PID1: variants seen among roughly 807,000 people sequenced by gnomAD.
PID1 encodes phosphotyrosine interaction domain containing 1.
A neutral mutation model predicts 19.1 loss-of-function variants in PID1; 10 were observed. That is an observed-to-expected ratio of 0.52 (90% confidence interval 0.32 to 0.89). The LOEUF (loss-of-function observed/expected upper bound fraction) is 0.89. PID1 is among the 40% of genes least tolerant of loss of function. PID1 has a pLI of 0.03. For missense variants in PID1, 248 were observed against 285.3 expected, an observed-to-expected ratio of 0.87 and a Z score of 0.94; for synonymous variants, 130 against 116.0, an observed-to-expected ratio of 1.12 and a Z score of -0.78.
chr2:229,169,675 AT>A (rs1202024185), intron 1 of PID1, among the ~76,000 whole-genome samples: 1 of 152,198 alleles, frequency 6.6e-6, no homozygotes, highest in Non-Finnish European at 1.5e-5. Flanking sequence ...GTTTTCATGA[AT>A]ACTGACTATC....
intron 1 of PID1, among the ~76,000 whole-genome samples, chr2:229,238,734 T>C (rs1373226367): frequency 6.6e-6 from 1 of 152,052 alleles, no homozygotes; most frequent in Non-Finnish European, 1.5e-5. Flanking sequence ...TGGGCAGGGA[T>C]AAGAGGAGAC....
intron 2 of PID1, among the ~76,000 whole-genome samples, chr2:229,057,398 G>C (rs1694125181): frequency 6.6e-6 from 1 of 151,382 alleles, no homozygotes; most frequent in Admixed American, 6.6e-5. Flanking sequence ...GGAGGTTGCA[G>C]TGGGCAGAGA....
rs10701076 is a variant in PID1, at chr2:229,139,057, G to GAGAAAGAAAGAA, written c.177+16749_177+16760dup. 4.1e-3 allele frequency among the ~76,000 whole-genome samples: 188 copies of GAGAAAGAAAGAA among 45,564 alleles called. 1 individual carries two copies. Among genetic ancestry groups the GAGAAAGAAAGAA allele is most frequent in the Middle Eastern group, 0.01 (1 of 98 alleles). 29.9% of individuals were successfully genotyped at this position (45,564 alleles called of 152,430 possible). ...AAAGAAAGAGAAAGAAAGAAAGAAA[G>GAGAAAGAAAGAA]AGAAAGAAAGAAAGAAAGAAAGAAA... On this transcript the variant is annotated intron_variant, in intron 2 of 2. Transcript: ENST00000392055.
At chr2:229,063,326 A>C (rs1469654439) in intron 2 of PID1, among the ~76,000 whole-genome samples, 1 of 151,838 alleles carries the variant, frequency 6.6e-6, no homozygotes, top group Non-Finnish European at 1.5e-5. Flanking sequence ...TGTGCTTCCA[A>C]TTTCATTTGT....
intron 2 of PID1, among the ~76,000 whole-genome samples, chr2:229,066,885 C>T (rs1694337553): frequency 1.3e-5 from 2 of 152,246 alleles, no homozygotes; most frequent in South Asian, 2.1e-4. Context: ...ATCCTCTCTA[C>T]AGGTTTCTTC....
chr2:229,045,807 C>T (rs1693863462), intron 2 of PID1, among the ~76,000 whole-genome samples: 1 of 152,198 alleles, frequency 6.6e-6, no homozygotes, highest in Non-Finnish European at 1.5e-5. Flanking sequence ...GGAGCATGCC[C>T]TTCTGGGCCA....
intron 2 of PID1, among the ~76,000 whole-genome samples, chr2:229,141,816 A>T (rs1042367307): frequency 2.0e-5 from 3 of 152,072 alleles, no homozygotes; most frequent in Non-Finnish European, 4.4e-5. Context: ...CTAATGTCTC[A>T]TTTAGAGCAC....
chr2:229,073,181 A>G (rs1382724015), intron 2 of PID1, among the ~76,000 whole-genome samples: 1 of 152,090 alleles, frequency 6.6e-6, no homozygotes, highest in Non-Finnish European at 1.5e-5. Flanking sequence ...GCCCGCCACC[A>G]CGCCTGGCTA....
intron 1 of PID1, among the ~76,000 whole-genome samples, chr2:229,193,411 C>T (rs1346337674): frequency 6.6e-6 from 1 of 152,182 alleles, no homozygotes; most frequent in Admixed American, 6.5e-5. Flanking sequence ...TCTGAGCTAA[C>T]ATCAGTCTCA....
intron 1 of PID1, among the ~76,000 whole-genome samples, chr2:229,263,986 T>G (rs1325967448): frequency 1.3e-5 from 2 of 152,182 alleles, no homozygotes; most frequent in Admixed American, 6.5e-5. Flanking sequence ...CTTGATTTTC[T>G]CCATACTTGG....
chr2:229,093,001 C>A (rs1694904060), intron 2 of PID1, among the ~76,000 whole-genome samples: 1 of 152,180 alleles, frequency 6.6e-6, no homozygotes, highest in South Asian at 2.1e-4. Context: ...AAGAACAATG[C>A]CCAAGTCAGA....
intron 2 of PID1, among the ~76,000 whole-genome samples, chr2:229,091,455 T>C (rs146859035): frequency 2.0e-5 from 3 of 152,052 alleles, no homozygotes; most frequent in Non-Finnish European, 4.4e-5. Context: ...GCAAAATTCA[T>C]ATATTGAAAT....
intron 2 of PID1, among the ~76,000 whole-genome samples, chr2:229,123,836 T>A (rs1484541924): frequency 6.6e-6 from 1 of 152,244 alleles, no homozygotes; most frequent in African/African-American, 2.4e-5. Context: ...TCTTTTTAAA[T>A]CATTTGCACA....
At chr2:229,114,716 A>G (rs557719206) in intron 2 of PID1, among the ~76,000 whole-genome samples, 1 of 152,280 alleles carries the variant, frequency 6.6e-6, no homozygotes, top group South Asian at 2.1e-4. Flanking sequence ...TGAGTTTCTA[A>G]AACACATCTT....
chr2:229,174,893 T>A (rs1456294565), intron 1 of PID1, among the ~76,000 whole-genome samples: 1 of 152,174 alleles, frequency 6.6e-6, no homozygotes, highest in Admixed American at 6.5e-5. Flanking sequence ...CAAGAGGAGA[T>A]GTCTATGTCC....
At chr2:229,101,206 C>T (rs758448660) in intron 2 of PID1, among the ~76,000 whole-genome samples, 1 of 152,112 alleles carries the variant, frequency 6.6e-6, no homozygotes. Flanking sequence ...AGAGAATTTT[C>T]ATTTCCAAAT....
At chr2:229,142,766 C>A (rs1405279363) in intron 2 of PID1, among the ~76,000 whole-genome samples, 12 of 152,254 alleles carry the variant, frequency 7.9e-5, no homozygotes, top group Admixed American at 6.5e-5. Context: ...AACTAGTTCA[C>A]CCCTTGTGGA....
At chr2:229,201,967 T>A (rs924173799) in intron 1 of PID1, among the ~76,000 whole-genome samples, 1 of 152,228 alleles carries the variant, frequency 6.6e-6, no homozygotes, top group Non-Finnish European at 1.5e-5. Flanking sequence ...GCCACATTCC[T>A]ATGGCTCCCA....
intron 2 of PID1, among the ~76,000 whole-genome samples, chr2:229,102,083 C>T (rs1695084553): frequency 6.6e-6 from 1 of 151,970 alleles, no homozygotes; most frequent in East Asian, 1.9e-4. Flanking sequence ...GGCCACACAC[C>T]AAGGGAAGCA....
Sources: allele counts gnomAD v4.1 joint callset (sites outside exome capture counted in the v4.1 genomes callset), GRCh38; gene constraint gnomAD v4.1.1; transcripts MANE v1.5; gene names NCBI Gene and HGNC (gene_info 2026-07-23, HGNC 2026-07-21).